The following SRRM3 variants were observed in gnomAD, a reference collection of about 807,000 sequenced individuals.
SRRM3 encodes the protein serine/arginine repetitive matrix protein 3.
Under a neutral mutation model 66.2 loss-of-function variants are expected in SRRM3, and 27 were observed. The ratio of observed to expected loss-of-function variants is 0.41; its 90% CI spans 0.30 to 0.56. The LOEUF (loss-of-function observed/expected upper bound fraction) is 0.56, where lower values mean the gene tolerates loss of function less well. Ranked by LOEUF, SRRM3 falls within the 20% of genes least tolerant of loss-of-function variation. SRRM3 has a pLI of 0.32. For missense variants in SRRM3, 918 were observed against 991.9 expected, an observed-to-expected ratio of 0.93 and a Z score of 1.00; for synonymous variants, 391 against 414.9, an observed-to-expected ratio of 0.94 and a Z score of 0.70.
At chr7:76,239,157 C>T (rs1801222309) in intron 2 of SRRM3, among the ~76,000 whole-genome samples, 2 of 151,410 alleles carry the variant, frequency 1.3e-5, no homozygotes, top group Non-Finnish European at 2.9e-5. Flanking sequence ...CTCAGCCTTC[C>T]GAGTAGCTGG....
chr7:76,260,936 C>A, intron 6 of SRRM3, 33 bp downstream of exon 6: 13 of 1,552,062 alleles, frequency 8.4e-6, no homozygotes, highest in Non-Finnish European at 1.1e-5. Flanking sequence ...GGGGCCAGGG[C>A]GGGGGATGTC....
intron 2 of SRRM3, among the ~76,000 whole-genome samples, chr7:76,235,643 ATTAT>A (rs1554604782): frequency 4.6e-5 from 7 of 151,998 alleles, no homozygotes; most frequent in Non-Finnish European, 1.5e-5. Context: ...AGGCGAGCGG[ATTAT>A]TTGAGGTCAG....
rs142162869 is a variant in SRRM3 at position 76,230,833 on chromosome 7, C to T, written c.-39-4195C>T. ...TGGCACAATCTCAGCTCACTGCAAC[C>T]TCTGCCTCCCAGGTTCAAGCGATTC... On this transcript the variant is annotated intron_variant, in intron 1 of 14. Transcript: ENST00000611745. 4.0e-3 allele frequency among the ~76,000 whole-genome samples: 605 copies of T among 151,816 alleles called. 4 individuals carry two copies. Among genetic ancestry groups the T allele is most frequent in the African/African-American group, 0.014 (570 of 41,346 alleles).
At chr7:76,249,110 G>C (rs1801510533) in intron 3 of SRRM3, among the ~76,000 whole-genome samples, 3 of 152,168 alleles carry the variant, frequency 2.0e-5, no homozygotes, top group Admixed American at 2.0e-4. Context: ...GTAAGACTGG[G>C]CATGGTGGCT....
chr7:76,231,029 G>C (rs548909556), intron 1 of SRRM3, among the ~76,000 whole-genome samples: 1 of 152,190 alleles, frequency 6.6e-6, no homozygotes, highest in African/African-American at 2.4e-5. Flanking sequence ...GGGATTACAG[G>C]TGTGAGCCAC....
At chr7:76,261,162 G>T (rs905762264) in intron 6 of SRRM3, among the ~76,000 whole-genome samples, 190 bp from the exon 7 acceptor site, 9 of 151,960 alleles carry the variant, frequency 5.9e-5, no homozygotes, top group Non-Finnish European at 1.2e-4. Context: ...CATAGGCAGC[G>T]CCATCAACTA....
rs782697050 is a variant in SRRM3, at chr7:76,264,782, G to A, written c.692G>A (p.Cys231Tyr). 1.9e-6 allele frequency: 3 copies of A among 1,613,726 alleles called. No homozygotes were observed. The highest frequency in any genetic ancestry group is 2.2e-5 in the East Asian group (1 of 44,880). The change falls in exon 9 of 15, where the codon TGC (cysteine) becomes TAC (tyrosine). Residue 231 changes from cysteine (C) to tyrosine (Y), a missense_variant. Coordinates refer to ENST00000611745, the MANE Select transcript of SRRM3 (RefSeq NM_001110199.3). ...KRRHRSRSSK[C>Y]KRKEKNKEKK... Reference sequence around the variant, plus strand: ...CTCTGCAGATCTCGAAGCTCCAAGTGCAAAAGAAAAGAGAAGAACAAAGAG... The same window carrying A: ...CTCTGCAGATCTCGAAGCTCCAAGTACAAAAGAAAAGAGAAGAACAAAGAG...
At chr7:76,209,210 T>G (rs1800372442) in intron 1 of SRRM3, among the ~76,000 whole-genome samples, 1 of 152,200 alleles carries the variant, frequency 6.6e-6, no homozygotes, top group South Asian at 2.1e-4. Context: ...TCCTGTTTTC[T>G]GGGCACAGCA....
At position 76,282,745 on chromosome 7, in the gene SRRM3, CGCA is replaced by C; in HGVS notation, c.1471_1473del (p.Ser491del). ...CGGCCCAGAAGGGAAGAGCTCGTCG[CGCA>C]GCCCCGGCCCGCACCCCCGCTCCTG... On this transcript the variant is annotated inframe_deletion, in exon 13 of 15. Transcript: ENST00000611745. The C allele has an allele frequency of 6.8e-7, 1 of 1,460,628 alleles. No homozygotes were observed. Among genetic ancestry groups the C allele is most frequent in the Non-Finnish European group, 9.0e-7 (1 of 1,112,210 alleles). The allele number at this position is 1,460,628 out of a possible 1,614,324, so 90.5% of individuals were successfully genotyped here.
intron 11 of SRRM3, among the ~76,000 whole-genome samples, chr7:76,280,742 G>A (rs1434203945): frequency 6.6e-6 from 1 of 151,342 alleles, no homozygotes; most frequent in African/African-American, 2.4e-5. Context: ...CCCGGTGAAA[G>A]CCCTCTCTCC....
intron 11 of SRRM3, among the ~76,000 whole-genome samples, chr7:76,280,061 G>A (rs1178571494): frequency 1.3e-5 from 2 of 151,382 alleles, no homozygotes; most frequent in East Asian, 1.9e-4. Flanking sequence ...AAAGGAGGAA[G>A]TGCCACTTTA....
At chr7:76,248,085 C>T in intron 2 of SRRM3, 103 bp from the exon 3 acceptor site, 3 of 815,940 alleles carry the variant, frequency 3.7e-6, no homozygotes, top group South Asian at 3.2e-5. Context: ...CCGGAGTGTG[C>T]ACTTGTGACC....
chr7:76,221,132 A>T (rs1453183991), intron 1 of SRRM3, among the ~76,000 whole-genome samples: 1 of 147,132 alleles, frequency 6.8e-6, no homozygotes, highest in Non-Finnish European at 1.5e-5. Context: ...ATCTCAGTTC[A>T]CCGCAACCTC....
intron 12 of SRRM3, 133 bp downstream of exon 12, chr7:76,281,935 G>A: frequency 1.9e-6 from 1 of 522,350 alleles, no homozygotes. Flanking sequence ...CCCTCCCACC[G>A]AGCTACCCCC....
rs1413081897 is a variant in SRRM3 at position 76,260,216 on chromosome 7, C to G, written c.545+19C>G. ...GAAGCCGGTGAGAACCGCGCCTGAC[C>G]GGAGCGGGAAGGGAGGAGGAGGTGG... On this transcript the variant is annotated intron_variant, in intron 5 of 14. Transcript: ENST00000611745. 6.6e-7 allele frequency: 1 copy of G among 1,521,250 alleles called. No homozygotes were observed. The highest frequency in any genetic ancestry group is 1.4e-5 in the African/African-American group (1 of 69,518). 94.2% of individuals were successfully genotyped at this position (1,521,250 alleles called of 1,614,324 possible).
chr7:76,228,542 G>A (rs1554603953), intron 1 of SRRM3, among the ~76,000 whole-genome samples: 1 of 152,020 alleles, frequency 6.6e-6, no homozygotes, highest in African/African-American at 2.4e-5. Context: ...GGCCAACATA[G>A]TGAAACCCTG....
chr7:76,249,848 G>C lies in SRRM3; in HGVS notation c.335+1559G>C, dbSNP rs372629952. 5.3e-5 allele frequency among the ~76,000 whole-genome samples: 8 copies of C among 152,194 alleles called. No individual in the cohort carries two copies. In the East Asian group the frequency reaches 1.4e-3, roughly 26 times the overall value. On this transcript the variant is annotated intron_variant, in intron 3 of 14. Coordinates refer to ENST00000611745, the MANE Select transcript of SRRM3 (RefSeq NM_001110199.3). ...AATCACTTGAACCCGCCTCAGAACA[G>C]AGTGAGATTCTGTTTCAAAAAATAA... is the stretch of plus-strand genomic sequence containing the variant.
At chr7:76,249,245 G>C (rs1453154005) in intron 3 of SRRM3, among the ~76,000 whole-genome samples, 1 of 152,008 alleles carries the variant, frequency 6.6e-6, no homozygotes, top group Non-Finnish European at 1.5e-5. Context: ...AATTAGCCAG[G>C]CATGGTGGCC....
chr7:76,277,779 C>T (rs1380992680), intron 11 of SRRM3, among the ~76,000 whole-genome samples: 22 of 102,992 alleles, frequency 2.1e-4, no homozygotes, highest in Admixed American at 7.4e-4. Context: ...AAGTAGCTGG[C>T]TCAGGTTCAA....
Sources: allele counts gnomAD v4.1 joint callset (sites outside exome capture counted in the v4.1 genomes callset), GRCh38; gene constraint gnomAD v4.1.1; transcripts MANE v1.5; gene names NCBI Gene and HGNC (gene_info 2026-07-23, HGNC 2026-07-21).